CFAP43: variants seen among roughly 807,000 people sequenced by gnomAD.
CFAP43 encodes cilia- and flagella-associated protein 43.
Under a neutral mutation model 218.9 loss-of-function variants are expected in CFAP43, and 155 were observed. That is an observed-to-expected ratio of 0.71 (90% CI 0.62 to 0.81). The LOEUF (loss-of-function observed/expected upper bound fraction) is 0.81, where lower values mean the gene tolerates loss of function less well. Among genes scored for constraint, CFAP43 ranks in the 30% least tolerant of loss-of-function variants. The probability of loss-of-function intolerance (pLI) is 0.00; values close to 1 mark genes in which losing one functional copy is unlikely to be tolerated. For synonymous variants in CFAP43, 645 were observed against 681.3 expected (o/e 0.95, Z 0.83); for missense variants, 1,778 against 1,954.3 (o/e 0.91, Z 1.70).
In CFAP43 at chr10:104,166,641, C is replaced by G. The variant is rs758106443; in HGVS notation, c.2886G>C (p.Glu962Asp). 10 of 1,614,040 alleles carry G rather than the reference C, an allele frequency of 6.2e-6. No individual in the cohort carries two copies. The highest frequency in any genetic ancestry group is 1.6e-4 in the Middle Eastern group (1 of 6,084). Residue 962 changes from glutamate to aspartate, a missense_variant, in exon 23 of 38, where the codon GAG (glutamate) becomes GAC (aspartate). By Grantham distance (45) the Glu-to-Asp change is conservative. Coordinates refer to ENST00000357060, the MANE Select transcript of CFAP43 (RefSeq NM_025145.7). ...ATTTTACTGTCTTGTCTTCCTCTTCCTCTTCTTCATCATCCTCTTCATGAC... is the reference window on the plus strand; with the variant it reads ...ATTTTACTGTCTTGTCTTCCTCTTCGTCTTCTTCATCATCCTCTTCATGAC... Reference protein sequence around the residue: ...KQRHEEDDEEEEEEDKTVKYS... With the variant: ...KQRHEEDDEEDEEEDKTVKYS...
Position 104,147,899 on chromosome 10 carries a change from G to C in CFAP43, c.3760C>G (p.His1254Asp), listed in dbSNP as rs144286129. ...FLNNYLTRKQ[H>D]EKSQTSEAVR... The stretch of plus-strand genomic sequence containing the variant: ...TCAGACACTATTCTTACTTTCTCGT[G>C]CTGTTTCCTTGTAAGGTAGTTGTTC... The change falls in exon 29 of 38, where the codon CAC becomes GAC. Residue 1254 changes from histidine to aspartate, a missense_variant. By Grantham distance (81) the His-to-Asp change is moderately conservative. Around this residue, in one of 3 missense-constraint regions of CFAP43, gnomAD observed 1,553 missense variants for 1,685.2 expected, o/e 0.92. Transcript: ENST00000357060. 3.8e-6 allele frequency: 6 copies of C among 1,587,488 alleles called. No homozygotes were observed. In the South Asian group the frequency reaches 4.6e-5, roughly 12 times the overall value.
intron 30 of CFAP43, 111 bp downstream of exon 30, chr10:104,146,152 A>G: frequency 1.3e-6 from 1 of 799,280 alleles, no homozygotes; most frequent in Non-Finnish European, 2.0e-6. Flanking sequence ...CTGAGAATTA[A>G]GTGGGAGAAA....
chr10:104,185,081 T>G lies in CFAP43; in HGVS notation c.2076A>C (p.Ser692=). The change falls in exon 16 of 38, where the codon TCA becomes TCC. Residue 692 remains serine, a synonymous_variant. Transcript: ENST00000357060. ...TCACCAGAATGTTTTGTCCATCCATTGAAATTCTCATTGACTGAATCCCAT... is the reference window on the plus strand; with the variant it reads ...TCACCAGAATGTTTTGTCCATCCATGGAAATTCTCATTGACTGAATCCCAT... ...QGHGIQSMRI[S]MDGQNILVNG... The G allele has an allele frequency of 6.2e-7, 1 of 1,614,148 alleles. No individual in the cohort carries two copies. Among genetic ancestry groups the G allele is most frequent in the Non-Finnish European group, 8.5e-7 (1 of 1,180,016 alleles).
chr10:104,221,102 A>C (rs2091167093), intron 3 of CFAP43, among the ~76,000 whole-genome samples: 1 of 152,032 alleles, frequency 6.6e-6, no homozygotes, highest in African/African-American at 2.4e-5. Context: ...CAGCCTCCTG[A>C]GTAGCTGGGA....
At chr10:104,229,064 G>A (rs957170188) in intron 2 of CFAP43, among the ~76,000 whole-genome samples, 2 of 152,126 alleles carry the variant, frequency 1.3e-5, no homozygotes, top group Admixed American at 6.5e-5. Context: ...CCAACCTGGG[G>A]AAATTTTAAA....
At chr10:104,211,184 TTC>T (rs2090851641) in intron 5 of CFAP43, among the ~76,000 whole-genome samples, 1 of 152,192 alleles carries the variant, frequency 6.6e-6, no homozygotes. Flanking sequence ...TCTCCATTTA[TTC>T]TGTTGTAATA....
intron 34 of CFAP43, among the ~76,000 whole-genome samples, chr10:104,136,546 T>A (rs2134736115): frequency 6.6e-6 from 1 of 151,810 alleles, no homozygotes; most frequent in East Asian, 2.0e-4. Context: ...AATTTTTGTA[T>A]TTTTAGTAGA....
At chr10:104,174,268 A>G (rs2089526874) in intron 19 of CFAP43, among the ~76,000 whole-genome samples, 1 of 152,368 alleles carries the variant, frequency 6.6e-6, no homozygotes, top group East Asian at 1.9e-4. Flanking sequence ...CAATTTACAA[A>G]AGAAAGAGAT....
At chr10:104,228,597 G>A (rs993268399) in intron 2 of CFAP43, among the ~76,000 whole-genome samples, 1 of 152,022 alleles carries the variant, frequency 6.6e-6, no homozygotes, top group African/African-American at 2.4e-5. Context: ...TACTTTCTAT[G>A]ACAAATCTCA....
intron 27 of CFAP43, among the ~76,000 whole-genome samples, chr10:104,155,250 G>C (rs936948827): frequency 6.6e-6 from 1 of 152,126 alleles, no homozygotes; most frequent in Non-Finnish European, 1.5e-5. Flanking sequence ...GATGTCTCTG[G>C]ACATGGAGGC....
At chr10:104,142,690 C>T (rs907161882) in intron 32 of CFAP43, among the ~76,000 whole-genome samples, 2 of 152,002 alleles carry the variant, frequency 1.3e-5, no homozygotes, top group Non-Finnish European at 2.9e-5. Flanking sequence ...ATCCTAGGTA[C>T]TTTAACAAAA....
chr10:104,171,580 T>A (rs973417582), intron 20 of CFAP43, among the ~76,000 whole-genome samples: 2 of 152,366 alleles, frequency 1.3e-5, no homozygotes, highest in Admixed American at 1.3e-4. Flanking sequence ...AATCCAGCTA[T>A]CTTGCATTCT....
chr10:104,200,378 T>C (rs2090498510), intron 8 of CFAP43, among the ~76,000 whole-genome samples: 1 of 151,292 alleles, frequency 6.6e-6, no homozygotes. Context: ...GGAACAAAGG[T>C]AACTTTAGAG....
Position 104,230,586 on chromosome 10 carries a change from A to G in CFAP43, c.319+4T>C. 6.2e-7 allele frequency: 1 copy of G among 1,613,646 alleles called. No homozygotes were observed. The highest frequency in any genetic ancestry group is 8.5e-7 in the Non-Finnish European group (1 of 1,179,856). ...ATGGGCAGAGGAAGGGTTCTCTAGA[A>G]TACCTTTCAATTTGGTCCTTCTGGT... On this transcript the variant is annotated splice_donor_region_variant and intron_variant, in intron 2 of 37. Coordinates refer to ENST00000357060, the MANE Select transcript of CFAP43 (RefSeq NM_025145.7).
intron 12 of CFAP43, among the ~76,000 whole-genome samples, chr10:104,190,586 AAG>A (rs1439337799): frequency 6.6e-6 from 1 of 152,230 alleles, no homozygotes; most frequent in Non-Finnish European, 1.5e-5. Flanking sequence ...TGCCCAAATG[AAG>A]AGTTTATTGG....
chr10:104,150,137 G>T (rs1247128813), intron 28 of CFAP43, among the ~76,000 whole-genome samples: 1 of 152,110 alleles, frequency 6.6e-6, no homozygotes, highest in African/African-American at 2.4e-5. Flanking sequence ...TTTATTGTGG[G>T]ATAATACTCC....
intron 3 of CFAP43, chr10:104,218,881 G>T: frequency 2.0e-6 from 1 of 502,854 alleles, no homozygotes; most frequent in Admixed American, 2.2e-5. Context: ...GAACAGCCGA[G>T]CAGCATGACA....
intron 19 of CFAP43, among the ~76,000 whole-genome samples, chr10:104,174,536 G>A (rs886470958): frequency 1.3e-5 from 2 of 152,142 alleles, no homozygotes; most frequent in African/African-American, 2.4e-5. Flanking sequence ...TACAATTCAA[G>A]ATGAGATTTG....
At chr10:104,177,674 A>T (rs1212135323) in intron 19 of CFAP43, among the ~76,000 whole-genome samples, 1 of 152,222 alleles carries the variant, frequency 6.6e-6, no homozygotes, top group Non-Finnish European at 1.5e-5. Context: ...AACCTAGAAT[A>T]CTCATCGAAC....
Sources: allele counts gnomAD v4.1 joint callset (sites outside exome capture counted in the v4.1 genomes callset), GRCh38; gene constraint gnomAD v4.1.1; regional missense constraint gnomAD v4.1.1; transcripts MANE v1.5; gene names NCBI Gene and HGNC (gene_info 2026-07-23, HGNC 2026-07-21).